Variants in EFNA5 observed in about 807,000 individuals in gnomAD.
EFNA5 encodes the protein ephrin-A5.
A neutral mutation model predicts 22.9 loss-of-function variants in EFNA5; 5 were observed. That is an observed-to-expected ratio of 0.22 (90% CI 0.11 to 0.46). The LOEUF is 0.46. EFNA5 is among the 20% of genes least tolerant of loss of function. The probability of loss-of-function intolerance (pLI) is 0.99; values close to 1 mark genes in which losing one functional copy is unlikely to be tolerated. For missense variants in EFNA5, 237 were observed against 293.3 expected (o/e 0.81, Z 1.40); for synonymous variants, 113 against 112.2 (o/e 1.01, Z -0.04).
chr5:107,428,217 G>T (rs866580352), intron 1 of EFNA5, among the ~76,000 whole-genome samples: 2 of 152,142 alleles, frequency 1.3e-5, no homozygotes, highest in African/African-American at 4.8e-5. Flanking sequence ...AGTGCATCTC[G>T]ATTTTGATGC....
At chr5:107,512,311 C>T (rs887337152) in intron 1 of EFNA5, among the ~76,000 whole-genome samples, 2 of 151,938 alleles carry the variant, frequency 1.3e-5, no homozygotes, top group African/African-American at 2.4e-5. Context: ...TGGCTGCAAT[C>T]GCCTGGGTAT....
At chr5:107,425,435 C>T (rs2731840) in intron 2 of EFNA5, among the ~76,000 whole-genome samples, 114,322 of 152,076 alleles carry the variant, frequency 0.75, 43,462 homozygotes, top group Non-Finnish European at 0.79. Context: ...AGTGAGACAA[C>T]TAATGAGTTG....
At chr5:107,608,655 C>G (rs1182163310) in intron 1 of EFNA5, among the ~76,000 whole-genome samples, 2 of 152,212 alleles carry the variant, frequency 1.3e-5, no homozygotes, top group East Asian at 1.9e-4. Flanking sequence ...TCAACTATAA[C>G]TTCATGGCTG....
intron 4 of EFNA5, among the ~76,000 whole-genome samples, chr5:107,386,148 CAAAAA>C (rs33964723): frequency 0.028 from 2,257 of 79,468 alleles, 19 homozygotes; most frequent in Middle Eastern, 0.095. Context: ...AGAAATTCTA[CAAAAA>C]AAAAAAAAAA....
At chr5:107,496,163 CTA>C (rs1746975081) in intron 1 of EFNA5, among the ~76,000 whole-genome samples, 3 of 90,942 alleles carry the variant, frequency 3.3e-5, no homozygotes, top group African/African-American at 1.4e-4. Context: ...CCTGTCTCTG[CTA>C]AAAAAAAAAA....
At chr5:107,512,948 A>G (rs1354974380) in intron 1 of EFNA5, among the ~76,000 whole-genome samples, 1 of 152,132 alleles carries the variant, frequency 6.6e-6, no homozygotes, top group African/African-American at 2.4e-5. Flanking sequence ...GCTAGTCTTG[A>G]TGAGGTCTCC....
chr5:107,520,457 T>C (rs1747570944), intron 1 of EFNA5, among the ~76,000 whole-genome samples: 1 of 152,244 alleles, frequency 6.6e-6, no homozygotes, highest in South Asian at 2.1e-4. Context: ...TGATCTTGGT[T>C]ATCTGGCTAC....
intron 1 of EFNA5, among the ~76,000 whole-genome samples, chr5:107,656,789 C>CTTAG (rs1750834992): frequency 2.0e-5 from 3 of 152,034 alleles, no homozygotes; most frequent in Admixed American, 2.0e-4. Context: ...GAAACTGAGG[C>CTTAG]TTAGATTCAC....
At chr5:107,567,470 T>C (rs1056701922) in intron 1 of EFNA5, among the ~76,000 whole-genome samples, 3 of 152,166 alleles carry the variant, frequency 2.0e-5, no homozygotes, top group Non-Finnish European at 4.4e-5. Flanking sequence ...ACTTTCAAGC[T>C]CTGGGGCCCG....
intron 1 of EFNA5, among the ~76,000 whole-genome samples, chr5:107,477,909 T>G (rs1325009133): frequency 2.0e-5 from 3 of 152,186 alleles, no homozygotes; most frequent in Non-Finnish European, 4.4e-5. Flanking sequence ...GAAACTCACT[T>G]TAACAAGCTA....
At position 107,403,780 on chromosome 5, in the gene EFNA5, T is replaced by C. The variant is rs17448679; in HGVS notation, c.419-16009A>G. 9.0e-3 allele frequency among the ~76,000 whole-genome samples: 1,377 copies of C among 152,340 alleles called. 13 individuals carry two copies. The highest frequency in any genetic ancestry group is 0.014 in the Non-Finnish European group (985 of 68,026). On this transcript the variant is annotated intron_variant, in intron 2 of 4. Coordinates refer to ENST00000333274, the MANE Select transcript of EFNA5 (RefSeq NM_001962.3). Reference sequence around the variant, plus strand: ...GCCACATTCTTTCAAATTTTAATCATGAGCTCCCTAAATAGAAGTCATTTG... The same window carrying C: ...GCCACATTCTTTCAAATTTTAATCACGAGCTCCCTAAATAGAAGTCATTTG...
At chr5:107,629,893 C>T (rs941487583) in intron 1 of EFNA5, among the ~76,000 whole-genome samples, 2 of 151,980 alleles carry the variant, frequency 1.3e-5, no homozygotes, top group South Asian at 2.1e-4. Flanking sequence ...CCCGCTTCTA[C>T]TAAAAGCACA....
At chr5:107,453,798 G>A (rs1749620906) in intron 1 of EFNA5, among the ~76,000 whole-genome samples, 5 of 152,286 alleles carry the variant, frequency 3.3e-5, no homozygotes, top group Admixed American at 2.6e-4. Flanking sequence ...ATTCAAGAGT[G>A]CTCAAGGCCA....
intron 1 of EFNA5, 25 bp downstream of exon 1, chr5:107,670,464 G>T: frequency 1.3e-6 from 2 of 1,548,134 alleles, no homozygotes; most frequent in Non-Finnish European, 1.7e-6. Context: ...GGGTAGCCCT[G>T]GCTCTCCGCC....
intron 1 of EFNA5, among the ~76,000 whole-genome samples, chr5:107,626,605 A>G (rs1478608723): frequency 6.6e-6 from 1 of 152,152 alleles, no homozygotes; most frequent in Non-Finnish European, 1.5e-5. Context: ...TGCTAATGAG[A>G]ATGAAACATG....
chr5:107,584,678 A>G (rs1274735217), intron 1 of EFNA5, among the ~76,000 whole-genome samples: 1 of 152,180 alleles, frequency 6.6e-6, no homozygotes, highest in East Asian at 1.9e-4. Context: ...ACTGATAGTT[A>G]CTGCTGATGA....
chr5:107,601,269 TCTTA>T (rs1369114984), intron 1 of EFNA5, among the ~76,000 whole-genome samples: 2 of 152,210 alleles, frequency 1.3e-5, no homozygotes, highest in African/African-American at 2.4e-5. Context: ...CATGACGCAA[TCTTA>T]CCTCTATCTC....
intron 1 of EFNA5, among the ~76,000 whole-genome samples, chr5:107,622,032 A>C (rs1750048538): frequency 6.6e-6 from 1 of 151,786 alleles, no homozygotes; most frequent in Non-Finnish European, 1.5e-5. Flanking sequence ...TGAATGCATA[A>C]CTGCCTTAAG....
At chr5:107,480,703 G>A (rs1014104371) in intron 1 of EFNA5, among the ~76,000 whole-genome samples, 4 of 152,128 alleles carry the variant, frequency 2.6e-5, no homozygotes, top group Admixed American at 2.6e-4. Context: ...AGCAGGGCTG[G>A]GGATACACAG....
Sources: gnomAD v4.1 joint callset for allele counts (sites outside exome capture counted in the v4.1 genomes callset) on GRCh38, gnomAD v4.1.1 for gene constraint, MANE v1.5 for transcripts, NCBI Gene and HGNC (gene_info 2026-07-23, HGNC 2026-07-21) for gene names.